Variants in PCDHA1 observed in about 807,000 individuals in gnomAD.
PCDHA1 encodes protocadherin alpha-1.
Under a neutral mutation model 61.3 loss-of-function variants are expected in PCDHA1, and 42 were observed. The observed-to-expected ratio is 0.69, with a 90% CI of 0.54 to 0.89. The LOEUF (loss-of-function observed/expected upper bound fraction) is 0.89, where lower values mean the gene tolerates loss of function less well. Among genes scored for constraint, PCDHA1 ranks in the 40% least tolerant of loss-of-function variants. The pLI is 0.00. For synonymous variants in PCDHA1, 610 were observed against 553.8 expected, an observed-to-expected ratio of 1.10 and a Z score of -1.43; for missense variants, 1,256 against 1,235.3, an observed-to-expected ratio of 1.02 and a Z score of -0.25.
intron 1 of PCDHA1, among the ~76,000 whole-genome samples, chr5:140,901,883 C>G (rs1206318073): frequency 5.3e-5 from 8 of 152,038 alleles, no homozygotes; most frequent in Non-Finnish European, 1.0e-4. Flanking sequence ...CTTTCATCAG[C>G]ATTTTATATT....
At chr5:140,977,256 C>T (rs1304967733) in intron 1 of PCDHA1, among the ~76,000 whole-genome samples, 1 of 152,164 alleles carries the variant, frequency 6.6e-6, no homozygotes, top group Non-Finnish European at 1.5e-5. Flanking sequence ...CATTTCTCAG[C>T]AGATGTTACA....
chr5:140,867,676 G>T (rs2050100182), intron 1 of PCDHA1: 1 of 151,988 alleles, frequency 6.6e-6, no homozygotes, highest in Admixed American at 6.6e-5. Flanking sequence ...CTAAAATTTT[G>T]TTGCATCTTC....
At chr5:140,931,390 G>A (rs1296292494) in intron 1 of PCDHA1, among the ~76,000 whole-genome samples, 1 of 152,038 alleles carries the variant, frequency 6.6e-6, no homozygotes, top group Non-Finnish European at 1.5e-5. Flanking sequence ...GGAAACATAA[G>A]TAAGCGATAG....
chr5:140,862,612 A>G, intron 1 of PCDHA1: 1 of 522,286 alleles, frequency 1.9e-6, no homozygotes, highest in Admixed American at 2.0e-5. Context: ...CGTGAAAGGT[A>G]ACAACCCGCG....
At chr5:140,926,782 C>G in intron 1 of PCDHA1, 1 of 1,403,504 alleles carries the variant, frequency 7.1e-7, no homozygotes, top group Non-Finnish European at 9.3e-7. Context: ...GCAGTGACGG[C>G]CGGCAGGAGC....
At chr5:140,899,460 T>G (rs2153464035) in intron 1 of PCDHA1, among the ~76,000 whole-genome samples, 1 of 152,380 alleles carries the variant, frequency 6.6e-6, no homozygotes, top group East Asian at 1.9e-4. Context: ...ATGTGGTTTT[T>G]GTCTTTGGTT....
intron 1 of PCDHA1, chr5:140,824,610 GTT>G (rs782443702): frequency 1.2e-4 from 11 of 95,112 alleles, no homozygotes; most frequent in South Asian, 3.6e-4. Flanking sequence ...GCTAATTAAA[GTT>G]TTTTTTTTTT....
At chr5:140,796,375 G>A in intron 1 of PCDHA1, 1 of 1,614,026 alleles carries the variant, frequency 6.2e-7, no homozygotes, top group Non-Finnish European at 8.5e-7. Context: ...CAACCCGCCG[G>A]GCTGCCACAT....
intron 1 of PCDHA1, among the ~76,000 whole-genome samples, chr5:140,972,812 C>T (rs782305867): frequency 5.3e-5 from 8 of 151,914 alleles, no homozygotes; most frequent in East Asian, 3.9e-4. Context: ...TACAGGCACG[C>T]GCCACCACGC....
At chr5:140,841,330 T>C (rs2150313655) in intron 1 of PCDHA1, 15 of 1,609,434 alleles carry the variant, frequency 9.3e-6, no homozygotes, top group Non-Finnish European at 1.1e-5. Context: ...ACATGGATTA[T>C]CACTGGCGAG....
At chr5:140,952,380 G>A (rs246035) in intron 1 of PCDHA1, among the ~76,000 whole-genome samples, 85,175 of 151,100 alleles carry the variant, frequency 0.56, 24,638 homozygotes, top group African/African-American at 0.69. Flanking sequence ...CCTCTGCCAG[G>A]TACCCTAAAC....
At chr5:140,876,532 T>C in intron 1 of PCDHA1, 4 of 1,614,158 alleles carry the variant, frequency 2.5e-6, no homozygotes, top group Middle Eastern at 1.6e-4. Context: ...AATGGTTACT[T>C]CACTGTCGCT....
chr5:140,856,019 C>T (rs2043732184), intron 1 of PCDHA1: 1 of 1,551,820 alleles, frequency 6.4e-7, no homozygotes, highest in East Asian at 2.3e-5. Flanking sequence ...ACCGCTGATT[C>T]GTCGATTTGT....
In PCDHA1 at chr5:140,787,106, T is replaced by A. The variant is rs782626108; in HGVS notation, c.816T>A (p.Gly272=). 6.2e-6 allele frequency: 10 copies of A among 1,613,998 alleles called. No individual in the cohort carries two copies. Among genetic ancestry groups the A allele is most frequent in the Non-Finnish European group, 8.5e-6 (10 of 1,180,008 alleles). ...TTLNASDADE[G]VNGEVVFSFD... is the part of the protein sequence containing the mutation. Reference sequence around the variant, plus strand: ...TAAATGCCTCTGATGCTGACGAAGGTGTAAATGGTGAAGTCGTCTTTTCCT... The same window carrying A: ...TAAATGCCTCTGATGCTGACGAAGGAGTAAATGGTGAAGTCGTCTTTTCCT... Residue 272 remains glycine (G), a synonymous_variant, in exon 1 of 4, where the codon GGT becomes GGA. Coordinates refer to ENST00000504120, the MANE Select transcript of PCDHA1 (RefSeq NM_018900.4).
intron 1 of PCDHA1, among the ~76,000 whole-genome samples, chr5:140,938,922 T>G (rs2092267013): frequency 6.6e-6 from 1 of 151,926 alleles, no homozygotes; most frequent in Non-Finnish European, 1.5e-5. Flanking sequence ...CACAAGAAAT[T>G]GGCTTTTAAC....
At chr5:140,862,549 C>T in intron 1 of PCDHA1, 3 of 457,652 alleles carry the variant, frequency 6.6e-6, no homozygotes, top group South Asian at 5.1e-5. Context: ...TGGAAGTGGC[C>T]GAACAGTGAA....
intron 1 of PCDHA1, chr5:140,877,359 C>T: frequency 1.2e-6 from 2 of 1,614,010 alleles, no homozygotes; most frequent in South Asian, 1.1e-5. Context: ...TGTACACTGG[C>T]GAGATCAGCA....
rs1382100762 is a variant in PCDHA1 at position 140,828,610 on chromosome 5, T to G, written c.2394+39926T>G. The G allele has an allele frequency of 6.2e-7, 1 of 1,614,226 alleles. No homozygotes were observed. The highest frequency in any genetic ancestry group is 2.2e-5 in the East Asian group (1 of 44,888). On this transcript the variant is annotated intron_variant, in intron 1 of 3. Transcript: ENST00000504120. ...ATTCCATCTTAACCTATAAACTCAG[T>G]TCTAGCGAATACTTCGGGCTAGATG...
chr5:140,928,014 G>A (rs1554205371), intron 1 of PCDHA1: 1 of 1,614,150 alleles, frequency 6.2e-7, no homozygotes, highest in Non-Finnish European at 8.5e-7. Flanking sequence ...CTAATGGTAG[G>A]GTCATTTGTG....
Sources: allele counts gnomAD v4.1 joint callset (sites outside exome capture counted in the v4.1 genomes callset), GRCh38; gene constraint gnomAD v4.1.1; transcripts MANE v1.5; gene names NCBI Gene and HGNC (gene_info 2026-07-23, HGNC 2026-07-21).